The following PRKAR1A variants were observed in gnomAD, a reference collection of about 807,000 sequenced individuals.
PRKAR1A encodes cAMP-dependent protein kinase type I-alpha regulatory subunit.
Under a neutral mutation model 52.0 loss-of-function variants are expected in PRKAR1A, and 3 were observed. That is an observed-to-expected ratio of 0.06 (90% CI 0.03 to 0.15). PRKAR1A has a LOEUF of 0.15. PRKAR1A is among the 10% of genes least tolerant of loss of function. The probability of loss-of-function intolerance (pLI) is 1.00; values close to 1 mark genes in which losing one functional copy is unlikely to be tolerated. For missense variants in PRKAR1A, 240 were observed against 477.4 expected, an observed-to-expected ratio of 0.50 and a Z score of 4.63; for synonymous variants, 188 against 168.4, an observed-to-expected ratio of 1.12 and a Z score of -0.90.
intron 9 of PRKAR1A, 70 bp downstream of exon 9, chr17:68,529,061 T>C: frequency 6.3e-7 from 1 of 1,587,390 alleles, no homozygotes; most frequent in African/African-American, 1.3e-5. Flanking sequence ...TTTAAAAAGT[T>C]GTACGCTCTA....
At chr17:68,426,027 T>G in the PRKAR1A span, 3 of 1,520,902 alleles carry the variant, frequency 2.0e-6, no homozygotes, top group East Asian at 6.7e-5. Flanking sequence ...AAGGTTTCCT[T>G]CTAAGCACAC....
the PRKAR1A span, among the ~76,000 whole-genome samples, chr17:68,463,544 A>G: frequency 1.2e-4 from 19 of 152,210 alleles, no homozygotes; most frequent in African/African-American, 4.6e-4. Context: ...AAGAAAAATG[A>G]GATGTATAGT....
At chr17:68,487,343 A>C in the PRKAR1A span, among the ~76,000 whole-genome samples, 2 of 152,204 alleles carry the variant, frequency 1.3e-5, no homozygotes, top group African/African-American at 2.4e-5. Flanking sequence ...TTTACATTCT[A>C]GTGTTTTCAA....
the PRKAR1A span, among the ~76,000 whole-genome samples, chr17:68,444,766 C>T: frequency 6.6e-6 from 1 of 152,256 alleles, no homozygotes; most frequent in Admixed American, 6.5e-5. Context: ...TGTAATCATC[C>T]ACCTGAACAC....
At chr17:68,420,202 G>A in the PRKAR1A span, 90 of 1,613,936 alleles carry the variant, frequency 5.6e-5, no homozygotes, top group Non-Finnish European at 7.2e-5. Context: ...GAGCCAGGGC[G>A]TGTGATGGGA....
At chr17:68,416,869 A>G in the PRKAR1A span, among the ~76,000 whole-genome samples, 5 of 151,318 alleles carry the variant, frequency 3.3e-5, no homozygotes, top group African/African-American at 4.9e-5. Context: ...TTCTCCCTTC[A>G]CTTCTTGTAT....
At chr17:68,489,243 ATATATATATATATATATGGAAAG>A in the PRKAR1A span, among the ~76,000 whole-genome samples, 161 of 41,480 alleles carry the variant, frequency 3.9e-3, 9 homozygotes, top group East Asian at 5.5e-3. Flanking sequence ...AAGTATATAT[ATATATATATATATATATGGAAAG>A]TATATATATA....
the PRKAR1A span, among the ~76,000 whole-genome samples, chr17:68,444,066 A>G: frequency 1.3e-4 from 20 of 152,350 alleles, no homozygotes; most frequent in African/African-American, 4.3e-4. Flanking sequence ...CATATTCTTT[A>G]TGGTTCAGAT....
chr17:68,530,466 C>G lies in PRKAR1A; in HGVS notation c.*17C>G. ...TCTGTCTGAAATCTGCCTCCTGTGC[C>G]TCCCTTTTCTCCTCTCCCCAATCCA... On this transcript the variant is annotated 3_prime_UTR_variant, in exon 11 of 11. Coordinates refer to ENST00000589228, the MANE Select transcript of PRKAR1A (RefSeq NM_002734.5). 1 of 1,613,962 alleles carries G rather than the reference C, an allele frequency of 6.2e-7. No individual in the cohort carries two copies. Among genetic ancestry groups the G allele is most frequent in the South Asian group, 1.1e-5 (1 of 91,078 alleles).
At chr17:68,466,660 C>G in the PRKAR1A span, among the ~76,000 whole-genome samples, 1 of 152,018 alleles carries the variant, frequency 6.6e-6, no homozygotes, top group Admixed American at 6.6e-5. Context: ...GATCCACCCC[C>G]CTTGGCCTCC....
chr17:68,435,650 T>A, the PRKAR1A span: 2 of 1,614,096 alleles, frequency 1.2e-6, no homozygotes, highest in Non-Finnish European at 1.7e-6. Flanking sequence ...GTTTGGAGCC[T>A]GAGGCATTGA....
At chr17:68,535,026 G>A (rs2086062734), downstream of PRKAR1A, 2 of 322,530 alleles carry the variant, frequency 6.2e-6, no homozygotes, top group Non-Finnish European at 1.2e-5. Context: ...CTTTTGAGAA[G>A]GCTAAAACGA....
the PRKAR1A span, among the ~76,000 whole-genome samples, chr17:68,500,262 G>T: frequency 6.6e-6 from 1 of 152,170 alleles, no homozygotes; most frequent in Non-Finnish European, 1.5e-5. Flanking sequence ...GTGTGGGAGG[G>T]ACCAGGTGGG....
At chr17:68,536,424 T>C (rs552238977), downstream of PRKAR1A, 15 of 454,102 alleles carry the variant, frequency 3.3e-5, no homozygotes, top group Admixed American at 1.6e-4. Context: ...GTTTCAGATA[T>C]CAACAAGTCA....
the PRKAR1A span, among the ~76,000 whole-genome samples, chr17:68,484,657 T>A: frequency 6.6e-6 from 1 of 152,204 alleles, no homozygotes; most frequent in Admixed American, 6.5e-5. Flanking sequence ...CATCATTGAG[T>A]AAAATGTTCC....
chr17:68,524,796 A>C, intron 5 of PRKAR1A, 116 bp from the exon 6 acceptor site: 4 of 808,280 alleles, frequency 4.9e-6, no homozygotes, highest in Non-Finnish European at 8.5e-6. Flanking sequence ...AGATTGTGTT[A>C]GTTTGTAACA....
chr17:68,484,704 G>T, the PRKAR1A span, among the ~76,000 whole-genome samples: 1 of 152,166 alleles, frequency 6.6e-6, no homozygotes, highest in Admixed American at 6.5e-5. Context: ...GGTTGAAAAA[G>T]CTCCATTTGG....
intron 11 of PRKAR1A, among the ~76,000 whole-genome samples, chr17:68,547,818 T>G (rs1422246539): frequency 3.9e-5 from 6 of 152,248 alleles, no homozygotes; most frequent in Non-Finnish European, 7.3e-5. Flanking sequence ...GCTTTTAGCT[T>G]CCTTCAAGAA....
rs1423585756 is a variant in PRKAR1A at position 68,515,516 on chromosome 17, C to T, written c.117C>T (p.Cys39=). The change falls in exon 2 of 11, where the codon TGC becomes TGT. Residue 39 remains cysteine (C), a synonymous_variant. Coordinates refer to ENST00000589228, the MANE Select transcript of PRKAR1A (RefSeq NM_002734.5). ...TCAAAGATTCTATTGTGCAGTTGTG[C>T]ACTGCTCGACCTGAGAGACCCATGG... ...ALLKDSIVQL[C]TARPERPMAF... is the part of the protein sequence containing the mutation. The T allele has an allele frequency of 6.2e-7, 1 of 1,613,158 alleles. No individual in the cohort carries two copies. Among genetic ancestry groups the T allele is most frequent in the South Asian group, 1.1e-5 (1 of 91,020 alleles).
Sources: gnomAD v4.1 joint callset for allele counts (sites outside exome capture counted in the v4.1 genomes callset) on GRCh38, gnomAD v4.1.1 for gene constraint, MANE v1.5 for transcripts, NCBI Gene and HGNC (gene_info 2026-07-23, HGNC 2026-07-21) for gene names.